The following PRIM2 variants were observed in gnomAD, a reference collection of about 807,000 sequenced individuals.
PRIM2 encodes the protein DNA primase large subunit.
PRIM2 carries 39 observed loss-of-function variants against 67.3 expected under a neutral mutation model. The observed-to-expected ratio is 0.58, with a 90% CI of 0.45 to 0.76. The LOEUF is 0.76. Among genes scored for constraint, PRIM2 ranks in the 30% least tolerant of loss-of-function variants. The pLI is 0.00. For missense variants in PRIM2, 398 were observed against 598.7 expected (o/e 0.66, Z 3.50); for synonymous variants, 143 against 198.7 (o/e 0.72, Z 2.36).
At chr6:57,270,921 G>T in the PRIM2 span, among the ~76,000 whole-genome samples, 14 of 151,644 alleles carry the variant, frequency 9.2e-5, no homozygotes, top group Middle Eastern at 3.2e-3. Context: ...TTTATATGCT[G>T]GATTACACTT....
chr6:57,334,959 C>T (rs1191930518), intron 5 of PRIM2, among the ~76,000 whole-genome samples: 5 of 152,304 alleles, frequency 3.3e-5, no homozygotes, highest in Admixed American at 3.3e-4. Flanking sequence ...CCGGGTTCAT[C>T]TCACTAGGGA....
intron 7 of PRIM2, among the ~76,000 whole-genome samples, chr6:57,456,052 T>G (rs1772764821): frequency 6.6e-6 from 1 of 152,126 alleles, no homozygotes; most frequent in Admixed American, 6.5e-5. Flanking sequence ...TGAAGCTTAG[T>G]TTGGCTGGAT....
intron 5 of PRIM2, among the ~76,000 whole-genome samples, chr6:57,370,529 G>A (rs1231932925): frequency 5.9e-5 from 9 of 152,112 alleles, no homozygotes; most frequent in Non-Finnish European, 1.0e-4. Flanking sequence ...TTGACAAATG[G>A]ATGTATTTTT....
At chr6:57,454,281 T>A (rs1361060292) in intron 7 of PRIM2, among the ~76,000 whole-genome samples, 2 of 152,214 alleles carry the variant, frequency 1.3e-5, no homozygotes, top group Non-Finnish European at 2.9e-5. Flanking sequence ...GGCTTTGGTA[T>A]GAGGATGATG....
the PRIM2 span, among the ~76,000 whole-genome samples, chr6:57,240,067 G>T: frequency 2.0e-5 from 3 of 149,540 alleles, no homozygotes; most frequent in Non-Finnish European, 4.4e-5. Context: ...GTATTAGCAG[G>T]AGGATCTAGG....
chr6:57,528,495 T>C (rs1774811577), intron 8 of PRIM2, among the ~76,000 whole-genome samples: 1 of 152,038 alleles, frequency 6.6e-6, no homozygotes, highest in Non-Finnish European at 1.5e-5. Context: ...TTATATGTCT[T>C]CTCTTTGTAC....
intron 7 of PRIM2, among the ~76,000 whole-genome samples, chr6:57,433,123 G>A (rs1279728168): frequency 1.3e-5 from 2 of 152,198 alleles, no homozygotes; most frequent in Non-Finnish European, 2.9e-5. Flanking sequence ...GTGTTAAATA[G>A]TTGTGACAGA....
chr6:57,581,743 C>T (rs1259649902), intron 10 of PRIM2, among the ~76,000 whole-genome samples: 1 of 152,158 alleles, frequency 6.6e-6, no homozygotes, highest in Non-Finnish European at 1.5e-5. Flanking sequence ...TGAAAGTTAA[C>T]AGAGAAGTAT....
At chr6:57,467,945 G>T in intron 7 of PRIM2, among the ~76,000 whole-genome samples, 1 of 152,070 alleles carries the variant, frequency 6.6e-6, no homozygotes, top group East Asian at 1.9e-4. Flanking sequence ...TTGGTATATA[G>T]GAATGCTTGT....
the PRIM2 span, among the ~76,000 whole-genome samples, chr6:57,252,813 C>G: frequency 2.6e-5 from 4 of 152,224 alleles, no homozygotes; most frequent in Non-Finnish European, 5.9e-5. Flanking sequence ...GGCATTCTCA[C>G]TGCAGCTCTG....
chr6:57,277,869 A>AGCTT, the PRIM2 span, among the ~76,000 whole-genome samples: 2 of 152,020 alleles, frequency 1.3e-5, no homozygotes, highest in African/African-American at 4.8e-5. Context: ...CTGTAGTCCC[A>AGCTT]GCTACTCAGG....
chr6:57,435,729 T>C (rs1194498325), intron 7 of PRIM2, among the ~76,000 whole-genome samples: 1 of 152,178 alleles, frequency 6.6e-6, no homozygotes, highest in Non-Finnish European at 1.5e-5. Flanking sequence ...GGCCATCTAT[T>C]GTCAAAGATA....
the PRIM2 span, among the ~76,000 whole-genome samples, chr6:57,237,454 C>T: frequency 9.9e-5 from 15 of 152,108 alleles, no homozygotes; most frequent in Non-Finnish European, 2.1e-4. Context: ...CTTTTGTTGC[C>T]ATTGCTTTTG....
chr6:57,243,143 T>C, the PRIM2 span, among the ~76,000 whole-genome samples: 1 of 152,240 alleles, frequency 6.6e-6, no homozygotes, highest in Non-Finnish European at 1.5e-5. Flanking sequence ...TAATATTGCA[T>C]AGCCTCTTAG....
chr6:57,299,275 T>C, the PRIM2 span, among the ~76,000 whole-genome samples: 3 of 152,122 alleles, frequency 2.0e-5, no homozygotes, highest in South Asian at 2.1e-4. Context: ...ACTGATAGAA[T>C]TTTCAACTTG....
Position 57,333,272 on chromosome 6 carries a change from CTT to C in PRIM2, c.459+7228_459+7229del, listed in dbSNP as rs1439623670. Among the ~76,000 whole-genome samples, 16 of 152,210 alleles carry C rather than the reference CTT, an allele frequency of 1.1e-4. No individual in the cohort carries two copies. The East Asian group carries it at 3.1e-3, about 29-fold the overall frequency. ...AAAATGTATTTATAATACTGTCAAA[CTT>C]GAGTGTAGTTTGCCTTGGTATACAG... On this transcript the variant is annotated intron_variant, in intron 5 of 13. Coordinates refer to ENST00000615550, the MANE Select transcript of PRIM2 (RefSeq NM_000947.5).
At position 57,471,421 on chromosome 6, in the gene PRIM2, T is replaced by C. The variant is rs1229345421; in HGVS notation, c.694-35966T>C. Among the ~76,000 whole-genome samples the C allele has an allele frequency of 2.6e-5, 4 of 151,280 alleles. No homozygotes were observed. In the East Asian group the frequency reaches 7.7e-4, roughly 29 times the overall value. On this transcript the variant is annotated intron_variant, in intron 7 of 13. Transcript: ENST00000615550. ...TGGTGATAAAAGGATGGAGGGAGAATGGATTCAAAGGCAGAAAAATTAGTA... is the reference window on the plus strand; with the variant it reads ...TGGTGATAAAAGGATGGAGGGAGAACGGATTCAAAGGCAGAAAAATTAGTA...
At position 57,382,388 on chromosome 6, in the gene PRIM2, T is replaced by C. The variant is rs1769994725; in HGVS notation, c.693+220T>C. The C allele has an allele frequency of 1.2e-5, 5 of 402,164 alleles. No homozygotes were observed. In the South Asian group the frequency reaches 3.1e-4, roughly 25 times the overall value. 24.9% of individuals were successfully genotyped at this position (402,164 alleles called of 1,614,324 possible). On this transcript the variant is annotated intron_variant, in intron 7 of 13. Coordinates refer to ENST00000615550, the MANE Select transcript of PRIM2 (RefSeq NM_000947.5). ...AAGTTTTTTTTCTTGATCCTACTAA[T>C]ACCAATGCTGAGTGATTAATTTTGT...
intron 8 of PRIM2, among the ~76,000 whole-genome samples, chr6:57,509,855 A>T (rs1554347539): frequency 3.9e-4 from 58 of 149,050 alleles, no homozygotes; most frequent in African/African-American, 1.4e-3. Flanking sequence ...ATTTTAAAAC[A>T]TTTTAAATAT....
Sources: gnomAD v4.1 joint callset for allele counts (sites outside exome capture counted in the v4.1 genomes callset) on GRCh38, gnomAD v4.1.1 for gene constraint, MANE v1.5 for transcripts, NCBI Gene and HGNC (gene_info 2026-07-23, HGNC 2026-07-21) for gene names.